Variants in ENTREP2 observed in about 807,000 individuals in gnomAD.
ENTREP2 encodes the protein endosomal transmembrane epsin interactor 2, also known as protein ENTREP2.
the ENTREP2 span, among the ~76,000 whole-genome samples, chr15:29,518,775 G>C: frequency 1.7e-4 from 26 of 152,312 alleles, 2 homozygotes; most frequent in Middle Eastern, 6.8e-3. Context: ...TAGTGACACA[G>C]GGGAAAGCTT....
At chr15:29,581,511 C>T in the ENTREP2 span, among the ~76,000 whole-genome samples, 1 of 152,066 alleles carries the variant, frequency 6.6e-6, no homozygotes, top group Non-Finnish European at 1.5e-5. Context: ...TAATATTTGG[C>T]CAAATATCTG....
chr15:29,443,184 C>T, the ENTREP2 span, among the ~76,000 whole-genome samples: 3 of 152,214 alleles, frequency 2.0e-5, no homozygotes, highest in African/African-American at 7.2e-5. Flanking sequence ...CTCCTGTGGT[C>T]ACTCTTCAGT....
chr15:29,416,919 G>T, the ENTREP2 span, among the ~76,000 whole-genome samples: 2 of 152,334 alleles, frequency 1.3e-5, no homozygotes, highest in Non-Finnish European at 2.9e-5. Flanking sequence ...GGCCATCAGA[G>T]AAATGCAAAT....
the ENTREP2 span, among the ~76,000 whole-genome samples, chr15:29,387,259 T>C: frequency 6.6e-6 from 1 of 152,242 alleles, no homozygotes; most frequent in South Asian, 2.1e-4. Context: ...GAGATAATCA[T>C]GTGGTTTTTG....
the ENTREP2 span, among the ~76,000 whole-genome samples, chr15:29,258,906 C>T: frequency 4.1e-3 from 631 of 152,308 alleles, 1 homozygote; most frequent in Middle Eastern, 0.01. Flanking sequence ...CATATTGTAG[C>T]ATGTGTCAGA....
At chr15:29,410,563 C>T in the ENTREP2 span, among the ~76,000 whole-genome samples, 2 of 152,172 alleles carry the variant, frequency 1.3e-5, no homozygotes, top group Admixed American at 6.5e-5. Flanking sequence ...GGGTAACACA[C>T]TTGGACTAGC....
chr15:29,235,300 G>A, the ENTREP2 span, among the ~76,000 whole-genome samples: 1 of 152,214 alleles, frequency 6.6e-6, no homozygotes, highest in Non-Finnish European at 1.5e-5. Context: ...CCTGTTTACA[G>A]GTTGTGATAT....
At chr15:29,624,299 T>C in the ENTREP2 span, among the ~76,000 whole-genome samples, 7 of 151,450 alleles carry the variant, frequency 4.6e-5, no homozygotes, top group African/African-American at 1.7e-4. Context: ...TCTCTTTCCT[T>C]CTGTCTCCCA....
At chr15:29,358,508 C>G in the ENTREP2 span, among the ~76,000 whole-genome samples, 1 of 152,182 alleles carries the variant, frequency 6.6e-6, no homozygotes, top group South Asian at 2.1e-4. Flanking sequence ...GGGCAGCTTA[C>G]ACTTCTGGTG....
At chr15:29,223,983 A>C in the ENTREP2 span, among the ~76,000 whole-genome samples, 7 of 152,190 alleles carry the variant, frequency 4.6e-5, no homozygotes, top group Non-Finnish European at 8.8e-5. Context: ...CTCTGTACTC[A>C]GAAGTGTGTC....
the ENTREP2 span, among the ~76,000 whole-genome samples, chr15:29,350,088 T>C: frequency 3.9e-5 from 6 of 152,144 alleles, no homozygotes; most frequent in African/African-American, 1.2e-4. Flanking sequence ...TCTACTCCTG[T>C]TTCTACTAGC....
chr15:29,302,823 C>G, the ENTREP2 span, among the ~76,000 whole-genome samples: 30 of 152,242 alleles, frequency 2.0e-4, no homozygotes, highest in East Asian at 5.6e-3. Context: ...TATTTGTTTA[C>G]CTATTGTTTA....
the ENTREP2 span, among the ~76,000 whole-genome samples, chr15:29,601,186 C>T: frequency 1.1e-4 from 17 of 148,772 alleles, no homozygotes; most frequent in South Asian, 2.1e-4. Context: ...CGTGAGCCAC[C>T]GCGCCCGGCC....
the ENTREP2 span, among the ~76,000 whole-genome samples, chr15:29,582,082 T>C: frequency 6.6e-6 from 1 of 152,020 alleles, no homozygotes; most frequent in South Asian, 2.1e-4. Flanking sequence ...GCTGGGATTA[T>C]AGGCGTGCAC....
At chr15:29,158,477 C>T in the ENTREP2 span, among the ~76,000 whole-genome samples, 1 of 149,096 alleles carries the variant, frequency 6.7e-6, no homozygotes, top group African/African-American at 2.5e-5. Context: ...GTGATCTCGG[C>T]TCACTGCAAC....
At chr15:29,327,946 G>A in the ENTREP2 span, among the ~76,000 whole-genome samples, 7 of 152,088 alleles carry the variant, frequency 4.6e-5, no homozygotes, top group African/African-American at 7.2e-5. Context: ...CATATTCCTA[G>A]GTATTTACAT....
At chr15:29,455,923 A>G in the ENTREP2 span, among the ~76,000 whole-genome samples, 1 of 152,208 alleles carries the variant, frequency 6.6e-6, no homozygotes, top group Non-Finnish European at 1.5e-5. Context: ...ATCCGTCACT[A>G]TCTCCCATCA....
At chr15:29,157,048 G>A in the ENTREP2 span, among the ~76,000 whole-genome samples, 24 of 152,166 alleles carry the variant, frequency 1.6e-4, no homozygotes, top group African/African-American at 5.6e-4. Flanking sequence ...CGTGAGCCGA[G>A]ATCATGCCAT....
the ENTREP2 span, among the ~76,000 whole-genome samples, chr15:29,643,855 G>A: frequency 1.1e-4 from 17 of 151,912 alleles, no homozygotes; most frequent in African/African-American, 4.1e-4. Flanking sequence ...TGATGAGAAT[G>A]TAAATTGGTA....
Sources: allele counts gnomAD v4.1 joint callset (sites outside exome capture counted in the v4.1 genomes callset), GRCh38; gene constraint gnomAD v4.1.1; transcripts MANE v1.5; gene names NCBI Gene and HGNC (gene_info 2026-07-23, HGNC 2026-07-21).